The following ACMSD variants were observed in gnomAD, a reference collection of about 807,000 sequenced individuals.
The protein encoded by ACMSD is aminocarboxymuconate semialdehyde decarboxylase.
A neutral mutation model predicts 45.9 loss-of-function variants in ACMSD; 37 were observed. The ratio of observed to expected loss-of-function variants is 0.81; its 90% CI spans 0.62 to 1.06. The LOEUF (loss-of-function observed/expected upper bound fraction) is 1.06. Ranked by LOEUF, ACMSD falls within the 50% of genes least tolerant of loss-of-function variation. The probability of loss-of-function intolerance (pLI) is 0.00; values close to 1 mark genes in which losing one functional copy is unlikely to be tolerated. For missense variants in ACMSD, 434 were observed against 420.9 expected, an observed-to-expected ratio of 1.03 and a Z score of -0.27; for synonymous variants, 138 against 148.8, an observed-to-expected ratio of 0.93 and a Z score of 0.53.
chr2:134,863,366 T>C, intron 4 of ACMSD, 29 bp from the exon 5 acceptor site: 3 of 1,600,924 alleles, frequency 1.9e-6, no homozygotes, highest in East Asian at 2.2e-5. Context: ...TTTTCAACAA[T>C]GCGGTTTTCC....
At chr2:134,856,903 T>TG (rs1469965582) in intron 2 of ACMSD, among the ~76,000 whole-genome samples, 2 of 109,622 alleles carry the variant, frequency 1.8e-5, no homozygotes, top group African/African-American at 3.6e-5. Flanking sequence ...ATGAAATGTA[T>TG]GGTTTTTTTT....
At chr2:134,849,963 AACACAC>A (rs10617563) in intron 2 of ACMSD, among the ~76,000 whole-genome samples, 5,817 of 145,812 alleles carry the variant, frequency 0.04, 275 homozygotes, top group East Asian at 0.27. Context: ...GGGCCTTGGG[AACACAC>A]ACACACACAC....
At chr2:134,867,706 C>T (rs1688173016) in intron 6 of ACMSD, 34 bp downstream of exon 6, 1 of 1,564,974 alleles carries the variant, frequency 6.4e-7, no homozygotes, top group Admixed American at 1.7e-5. Flanking sequence ...AACAGAGGAC[C>T]AACTCTTGGG....
chr2:134,896,347 A>G (rs753581594), intron 8 of ACMSD, among the ~76,000 whole-genome samples: 2 of 152,242 alleles, frequency 1.3e-5, no homozygotes, highest in Non-Finnish European at 2.9e-5. Context: ...AAAAGACAAT[A>G]CCAAGGAAGT....
intron 5 of ACMSD, among the ~76,000 whole-genome samples, chr2:134,866,161 C>G (rs1688086264): frequency 6.6e-6 from 1 of 152,032 alleles, no homozygotes; most frequent in South Asian, 2.1e-4. Context: ...CAAAAATCTA[C>G]CTATTGGGTA....
intron 2 of ACMSD, among the ~76,000 whole-genome samples, chr2:134,847,127 TAA>T (rs1687086719): frequency 6.6e-6 from 1 of 152,132 alleles, no homozygotes; most frequent in African/African-American, 2.4e-5. Context: ...CAGGGCACGC[TAA>T]AGAGTCTGGA....
chr2:134,898,369 C>A lies in ACMSD; in HGVS notation c.878C>A (p.Pro293His). 1 of 1,597,938 alleles carries A rather than the reference C, an allele frequency of 6.3e-7. No individual in the cohort carries two copies. The highest frequency in any genetic ancestry group is 8.5e-7 in the Non-Finnish European group (1 of 1,173,362). Residue 293 changes from proline to histidine, a missense_variant, in exon 9 of 10, where the codon CCC becomes CAC. Physicochemically the swap from Pro to His is moderately conservative, Grantham distance 77. Transcript: ENST00000356140. ...AAAGTCATTTTGGGAACCGATTACCCCTTTCCACTAGGTGAGCTGGAACCT... is the reference window on the plus strand; with the variant it reads ...AAAGTCATTTTGGGAACCGATTACCACTTTCCACTAGGTGAGCTGGAACCT... ...KDKVILGTDY[P>H]FPLGELEPGK...
intron 9 of ACMSD, among the ~76,000 whole-genome samples, chr2:134,899,311 C>T (rs1401596164): frequency 6.6e-6 from 1 of 152,076 alleles, no homozygotes; most frequent in Non-Finnish European, 1.5e-5. Context: ...ATTCATTCTT[C>T]AGTATACTAG....
chr2:134,887,951 C>A (rs1689555950), intron 8 of ACMSD, among the ~76,000 whole-genome samples: 1 of 152,098 alleles, frequency 6.6e-6, no homozygotes, highest in Non-Finnish European at 1.5e-5. Context: ...ATCTCTTCAA[C>A]CTGGAAGCAG....
At chr2:134,866,042 T>G (rs1688080896) in intron 5 of ACMSD, among the ~76,000 whole-genome samples, 1 of 152,228 alleles carries the variant, frequency 6.6e-6, no homozygotes, top group Admixed American at 6.5e-5. Flanking sequence ...ATTATAATTG[T>G]GAGAGTATAA....
intron 2 of ACMSD, among the ~76,000 whole-genome samples, chr2:134,845,602 C>T (rs977820581): frequency 1.4e-5 from 2 of 146,686 alleles, no homozygotes; most frequent in African/African-American, 5.1e-5. Context: ...ATTGCTCTGC[C>T]TGGAGGAAGT....
rs193110505 is a variant in ACMSD, at chr2:134,899,419, A to T, written c.948+980A>T. ...AACTGTTAAATATTACCTACTAAATATTGTTAAATATTTACCCACTTCCTT... is the reference window on the plus strand; with the variant it reads ...AACTGTTAAATATTACCTACTAAATTTTGTTAAATATTTACCCACTTCCTT... On this transcript the variant is annotated intron_variant, in intron 9 of 9. Coordinates refer to ENST00000356140, the MANE Select transcript of ACMSD (RefSeq NM_138326.3). 2.0e-5 allele frequency among the ~76,000 whole-genome samples: 3 copies of T among 152,224 alleles called. No homozygotes were observed. The East Asian group carries it at 5.8e-4, about 29-fold the overall frequency.
At chr2:134,859,473 C>T in intron 3 of ACMSD, 116 bp downstream of exon 3, 2 of 908,940 alleles carry the variant, frequency 2.2e-6, no homozygotes, top group Non-Finnish European at 3.4e-6. Flanking sequence ...TCTGCCAGGA[C>T]AGGCTGTTCC....
chr2:134,867,829 C>G, intron 6 of ACMSD, 157 bp downstream of exon 6: 1 of 462,318 alleles, frequency 2.2e-6, no homozygotes, highest in Middle Eastern at 5.4e-4. Context: ...TGGATTAATG[C>G]TATATATATA....
rs74457441 is a variant in ACMSD, at chr2:134,860,749, G to T, written c.200-1220G>T. ...ACAATTAAAAATAGAGCCAGGTGTGGTAGTTCATGCCTATAATCCCAGCAT... is the reference window on the plus strand; with the variant it reads ...ACAATTAAAAATAGAGCCAGGTGTGTTAGTTCATGCCTATAATCCCAGCAT... On this transcript the variant is annotated intron_variant, in intron 3 of 9. Transcript: ENST00000356140. Among the ~76,000 whole-genome samples the T allele has an allele frequency of 2.5e-3, 381 of 149,542 alleles. 1 individual carries two copies. The highest frequency in any genetic ancestry group is 8.9e-3 in the African/African-American group (360 of 40,556).
intron 2 of ACMSD, among the ~76,000 whole-genome samples, 154 bp from the exon 3 acceptor site, chr2:134,859,107 C>T (rs1687728111): frequency 6.6e-6 from 1 of 151,496 alleles, no homozygotes; most frequent in South Asian, 2.1e-4. Flanking sequence ...GGAAAGAAAG[C>T]TGATTTTTGT....
intron 2 of ACMSD, among the ~76,000 whole-genome samples, chr2:134,845,509 GTC>G (rs59782657): frequency 0.076 from 7,144 of 94,132 alleles, 336 homozygotes; most frequent in African/African-American, 0.16. Context: ...ACATTAAAAG[GTC>G]TCTCTCTCTC....
rs143468422 is a variant in ACMSD, at chr2:134,867,584, C to T, written c.492C>T (p.Ala164=). The T allele has an allele frequency of 9.9e-6, 16 of 1,613,226 alleles. No homozygotes were observed. Among genetic ancestry groups the T allele is most frequent in the Admixed American group, 6.7e-5 (4 of 59,948 alleles). ...CTCTCATTGCTTCTTTGAAGGCAGC[C>T]GAAAGGCTGAAGTGTTCCCTGTTCG... ...AQELFPVYAA[A]ERLKCSLFVH... Residue 164 remains alanine, a synonymous_variant, in exon 6 of 10, where the codon GCC becomes GCT. Transcript: ENST00000356140.
At chr2:134,847,971 G>A (rs1453969164) in intron 2 of ACMSD, among the ~76,000 whole-genome samples, 1 of 151,844 alleles carries the variant, frequency 6.6e-6, no homozygotes, top group Non-Finnish European at 1.5e-5. Context: ...CCTGCCTCAG[G>A]CTCCTGAGTA....
Sources: allele counts gnomAD v4.1 joint callset (sites outside exome capture counted in the v4.1 genomes callset), GRCh38; gene constraint gnomAD v4.1.1; transcripts MANE v1.5; gene names NCBI Gene and HGNC (gene_info 2026-07-23, HGNC 2026-07-21).